The following ZNF143 variants were observed in gnomAD, a reference collection of about 807,000 sequenced individuals.
ZNF143 encodes SPH-binding factor.
Under a neutral mutation model 74.1 loss-of-function variants are expected in ZNF143, and 49 were observed. That is an observed-to-expected ratio of 0.66 (90% confidence interval 0.53 to 0.84). The LOEUF (loss-of-function observed/expected upper bound fraction) is 0.84. Ranked by LOEUF, ZNF143 falls within the 40% of genes least tolerant of loss-of-function variation. The probability of loss-of-function intolerance (pLI) is 0.00; values close to 1 mark genes in which losing one functional copy is unlikely to be tolerated. For synonymous variants in ZNF143, 304 were observed against 282.8 expected (o/e 1.07, Z -0.75); for missense variants, 637 against 793.4 (o/e 0.80, Z 2.37).
chr11:9,495,682 C>T (rs1847934246), intron 8 of ZNF143, among the ~76,000 whole-genome samples: 1 of 152,110 alleles, frequency 6.6e-6, no homozygotes, highest in South Asian at 2.1e-4. Context: ...AAAATTGGAT[C>T]CTAAGAGTTA....
chr11:9,521,299 A>G (rs1052494170), intron 14 of ZNF143, among the ~76,000 whole-genome samples: 3 of 152,200 alleles, frequency 2.0e-5, no homozygotes, highest in Admixed American at 1.3e-4. Context: ...CCTCTGTGAC[A>G]ATTTGCTAAT....
At chr11:9,500,141 T>A (rs935921480) in intron 10 of ZNF143, among the ~76,000 whole-genome samples, 1 of 151,930 alleles carries the variant, frequency 6.6e-6, no homozygotes, top group African/African-American at 2.4e-5. Flanking sequence ...GAGACGGGGT[T>A]TCGCCATGTT....
At chr11:9,513,386 ACT>A (rs781628454) in intron 13 of ZNF143, among the ~76,000 whole-genome samples, 13 of 151,890 alleles carry the variant, frequency 8.6e-5, no homozygotes, top group Non-Finnish European at 1.9e-4. Flanking sequence ...TTCACACTAT[ACT>A]CTCTGTCCTC....
At chr11:9,527,471 C>A (rs1849170152) in intron 15 of ZNF143, 59 bp from the exon 16 acceptor site, 2 of 1,514,908 alleles carry the variant, frequency 1.3e-6, no homozygotes, top group African/African-American at 2.7e-5. Context: ...ATTTCTTTGG[C>A]ATTTTCTTGA....
At chr11:9,496,208 C>T in intron 8 of ZNF143, 95 bp from the exon 9 acceptor site, 5 of 1,051,328 alleles carry the variant, frequency 4.8e-6, no homozygotes, top group Non-Finnish European at 7.2e-6. Context: ...ACAACAAAAT[C>T]ATTTAGCAGT....
intron 13 of ZNF143, among the ~76,000 whole-genome samples, chr11:9,515,809 C>G (rs1848703823): frequency 6.6e-6 from 1 of 151,718 alleles, no homozygotes; most frequent in African/African-American, 2.4e-5. Flanking sequence ...GTTGAGACCC[C>G]ATGTCTACAA....
intron 12 of ZNF143, among the ~76,000 whole-genome samples, chr11:9,509,289 G>A (rs1340465133): frequency 1.3e-5 from 2 of 152,324 alleles, no homozygotes; most frequent in East Asian, 3.9e-4. Flanking sequence ...GCTGGAGAGC[G>A]AGGCAGGGGC....
intron 8 of ZNF143, among the ~76,000 whole-genome samples, chr11:9,495,290 A>T (rs1435759914): frequency 6.6e-6 from 1 of 151,994 alleles, no homozygotes; most frequent in East Asian, 1.9e-4. Context: ...AAAAATACAA[A>T]ATTAGCCGGG....
chr11:9,500,545 C>T (rs1246763100), intron 10 of ZNF143, among the ~76,000 whole-genome samples: 1 of 151,858 alleles, frequency 6.6e-6, no homozygotes, highest in Non-Finnish European at 1.5e-5. Context: ...GCGATTCTCC[C>T]GCCTCAGCCT....
intron 7 of ZNF143, 108 bp from the exon 8 acceptor site, chr11:9,494,538 T>G: frequency 8.9e-7 from 1 of 1,117,994 alleles, no homozygotes; most frequent in South Asian, 1.6e-5. Flanking sequence ...CTTGAACTCC[T>G]GGGCTCAAAT....
At chr11:9,490,493 C>A (rs1235685264) in intron 7 of ZNF143, among the ~76,000 whole-genome samples, 3 of 151,108 alleles carry the variant, frequency 2.0e-5, no homozygotes, top group African/African-American at 7.3e-5. Context: ...GCCATGTTGC[C>A]CAGGCTGGTT....
chr11:9,466,856 A>G (rs548637066), intron 1 of ZNF143, among the ~76,000 whole-genome samples: 5 of 126,592 alleles, frequency 3.9e-5, no homozygotes, highest in African/African-American at 1.3e-4. Context: ...ATACTTTTAA[A>G]TATTACAATA....
Position 9,484,537 on chromosome 11 carries a change from C to G in ZNF143, c.645+4991C>G, listed in dbSNP as rs542032961. Among the ~76,000 whole-genome samples the G allele has an allele frequency of 2.0e-5, 3 of 149,538 alleles. No individual in the cohort carries two copies. In the South Asian group the frequency reaches 6.3e-4, roughly 31 times the overall value. On this transcript the variant is annotated intron_variant, in intron 7 of 15. Transcript: ENST00000396602. ...GCCTGAACCTTGCTTTTCTAAGTCT[C>G]TTTTTTTCTACCTCTAAAAGAAAGG...
chr11:9,469,442 G>A (rs952780118), intron 1 of ZNF143, among the ~76,000 whole-genome samples: 73 of 151,868 alleles, frequency 4.8e-4, no homozygotes, highest in African/African-American at 1.7e-3. Context: ...TTGTTGGTCA[G>A]GCTGATATGG....
At chr11:9,476,477 A>T (rs1458145098) in intron 5 of ZNF143, among the ~76,000 whole-genome samples, 1 of 151,834 alleles carries the variant, frequency 6.6e-6, no homozygotes, top group Non-Finnish European at 1.5e-5. Flanking sequence ...GTTTCAAGCG[A>T]TTCTCCTGCC....
intron 7 of ZNF143, among the ~76,000 whole-genome samples, chr11:9,492,023 C>T (rs1847800386): frequency 1.3e-5 from 2 of 151,970 alleles, no homozygotes; most frequent in Admixed American, 1.3e-4. Flanking sequence ...TGGCTCACTG[C>T]AACCTCTGCC....
rs1029046104 is a variant in ZNF143 at position 9,486,003 on chromosome 11, G to C, written c.645+6457G>C. On this transcript the variant is annotated intron_variant, in intron 7 of 15. Coordinates refer to ENST00000396602, the MANE Select transcript of ZNF143 (RefSeq NM_003442.6). ...ACTGGACTACAGCATCCTGAAACCT[G>C]GTTGGTTAATAGCTTGAGCTCTAGA... 1.1e-4 allele frequency among the ~76,000 whole-genome samples: 17 copies of C among 151,276 alleles called. 1 individual carries two copies. The highest frequency in any genetic ancestry group is 4.2e-4 in the African/African-American group (17 of 40,688).
chr11:9,501,319 A>AC (rs1848149725), intron 11 of ZNF143, 49 bp downstream of exon 11: 2 of 1,582,840 alleles, frequency 1.3e-6, no homozygotes, highest in Admixed American at 1.8e-5. Context: ...GCTCAGTTTA[A>AC]CTCCTGCCTT....
At chr11:9,475,647 T>G (rs936398313) in intron 5 of ZNF143, among the ~76,000 whole-genome samples, 1 of 152,132 alleles carries the variant, frequency 6.6e-6, no homozygotes, top group Non-Finnish European at 1.5e-5. Context: ...TCCTAGCACT[T>G]TGGGAGGCCG....
Sources: gnomAD v4.1 joint callset for allele counts (sites outside exome capture counted in the v4.1 genomes callset) on GRCh38, gnomAD v4.1.1 for gene constraint, MANE v1.5 for transcripts, NCBI Gene and HGNC (gene_info 2026-07-23, HGNC 2026-07-21) for gene names.